DNAJC16: variants seen among roughly 807,000 people sequenced by gnomAD.
The protein encoded by DNAJC16 is DnaJ heat shock protein family (Hsp40) member C16.
In DNAJC16, 76 loss-of-function variants were observed where a neutral mutation model predicts 92.7. That is an observed-to-expected ratio of 0.82 (90% CI 0.68 to 0.99). DNAJC16 has a LOEUF of 0.99. Among genes scored for constraint, DNAJC16 ranks in the 50% least tolerant of loss-of-function variants. DNAJC16 has a pLI of 0.00. For missense variants in DNAJC16, 869 were observed against 942.4 expected, an observed-to-expected ratio of 0.92 and a Z score of 1.02; for synonymous variants, 328 against 358.7, an observed-to-expected ratio of 0.91 and a Z score of 0.97.
At chr1:15,536,219 A>G (rs544868667) in intron 3 of DNAJC16, among the ~76,000 whole-genome samples, 2 of 151,666 alleles carry the variant, frequency 1.3e-5, no homozygotes, top group South Asian at 2.1e-4. Context: ...GATTACAGGC[A>G]TGCGCCACCA....
intron 4 of DNAJC16, among the ~76,000 whole-genome samples, chr1:15,539,802 C>T (rs908169229): frequency 1.3e-5 from 2 of 151,848 alleles, no homozygotes; most frequent in Non-Finnish European, 2.9e-5. Context: ...CTGAGGTGCA[C>T]AGATCACTTG....
In DNAJC16 at chr1:15,559,566, C is replaced by T. The variant is rs1255342266; in HGVS notation, c.1064C>T (p.Thr355Ile). 3 of 1,614,026 alleles carry T rather than the reference C, an allele frequency of 1.9e-6. No individual in the cohort carries two copies. The highest frequency in any genetic ancestry group is 1.7e-5 in the Admixed American group (1 of 59,990). Reference protein sequence around the residue: ...MKKQIIDDFITRNKYLLAARL... With the variant: ...MKKQIIDDFIIRNKYLLAARL... The stretch of plus-strand genomic sequence containing the variant: ...AAGCAAATCATTGACGACTTCATCA[C>T]CCGAAACAAATATCTATTGGCAGCC... The change falls in exon 8 of 15, where the codon ACC becomes ATC. Residue 355 changes from threonine (T) to isoleucine (I), a missense_variant. Thr to Ile is a moderately conservative substitution (Grantham distance 89). Transcript: ENST00000375847.
chr1:15,544,397 A>G lies in DNAJC16; in HGVS notation c.575-2A>G. ...TTCATTTGGATCTTCCATTCTTTTCAGGTGTAGGAATTGGCGTGGTCCATG... is the reference window on the plus strand; with the variant it reads ...TTCATTTGGATCTTCCATTCTTTTCGGGTGTAGGAATTGGCGTGGTCCATG... On this transcript the variant is annotated splice_acceptor_variant, in intron 4 of 14. Transcript: ENST00000375847. LOFTEE classifies it high-confidence loss of function. 1 of 1,604,302 alleles carries G rather than the reference A, an allele frequency of 6.2e-7. No individual in the cohort carries two copies. Among genetic ancestry groups the G allele is most frequent in the Non-Finnish European group, 8.5e-7 (1 of 1,173,944 alleles).
In DNAJC16 at chr1:15,568,105, T is replaced by C. The variant is rs1343358004; in HGVS notation, c.2277T>C (p.Ser759=). The C allele has an allele frequency of 1.9e-6, 3 of 1,614,218 alleles. No individual in the cohort carries two copies. The highest frequency in any genetic ancestry group is 1.1e-5 in the South Asian group (1 of 91,088). Residue 759 remains serine (S), a synonymous_variant, in exon 15 of 15, where the codon TCT becomes TCC. Coordinates refer to ENST00000375847, the MANE Select transcript of DNAJC16 (RefSeq NM_015291.4). ...TCAAAGGAAAGTTGAGCAAGCTCTC[T>C]TTATGGATGGAACGCCTGCTGGAGG... is the stretch of plus-strand genomic sequence containing the variant. ...RPIKGKLSKL[S]LWMERLLEGS... is the part of the protein sequence containing the mutation.
Position 15,567,127 on chromosome 1 carries a change from G to T in DNAJC16, c.1807G>T (p.Val603Leu). Residue 603 changes from valine to leucine, a missense_variant, in exon 14 of 15, where the codon GTA (valine) becomes TTA (leucine). Physicochemically the swap from Val to Leu is conservative, Grantham distance 32 (BLOSUM62 1). Coordinates refer to ENST00000375847, the MANE Select transcript of DNAJC16 (RefSeq NM_015291.4). ...GATTCCTAAAAAAGGCTTTGTGGAG[G>T]TAACTGAACTCACAGATGTAACATA... ...SKIPKKGFVE[V>L]TELTDVTYTS... The T allele has an allele frequency of 6.2e-7, 1 of 1,611,232 alleles. No individual in the cohort carries two copies. The highest frequency in any genetic ancestry group is 2.2e-5 in the East Asian group (1 of 44,798).
rs1638908502 is a variant in DNAJC16 at position 15,569,735 on chromosome 1, G to A, written c.*1558G>A. ...GGTTCACCGCAACCTCCACATCCCA[G>A]GTTCAAGTGATTCTCCTGCCTCAGC... On this transcript the variant is annotated 3_prime_UTR_variant, in exon 15 of 15. Coordinates refer to ENST00000375847, the MANE Select transcript of DNAJC16 (RefSeq NM_015291.4). 6.6e-6 allele frequency: 1 copy of A among 151,028 alleles called. No homozygotes were observed. 9.4% of individuals were successfully genotyped at this position (151,028 alleles called of 1,614,324 possible). A position where few individuals can be genotyped will look rare whatever the true frequency, so the allele number is the denominator to read the frequency against.
intron 6 of DNAJC16, among the ~76,000 whole-genome samples, chr1:15,547,217 G>A (rs1341284661): frequency 6.9e-6 from 1 of 144,782 alleles, no homozygotes; most frequent in Non-Finnish European, 1.5e-5. Context: ...CGATCTCCTC[G>A]GCTCACTGCA....
At position 15,563,925 on chromosome 1, in the gene DNAJC16, C is replaced by A. The variant is rs1327036184; in HGVS notation, c.1339-4C>A. 2 of 1,598,988 alleles carry A rather than the reference C, an allele frequency of 1.3e-6. No individual in the cohort carries two copies. The highest frequency in any genetic ancestry group is 8.5e-7 in the Non-Finnish European group (1 of 1,174,372). On this transcript the variant is annotated splice_polypyrimidine_tract_variant and splice_region_variant and intron_variant, in intron 9 of 14. Transcript: ENST00000375847. The stretch of plus-strand genomic sequence containing the variant: ...CTGATGTTTTTTCTCTACTTTTCTT[C>A]CAGGTGTCTATTTTAGAAAGGCGCA...
chr1:15,556,516 G>A (rs975926258), intron 7 of DNAJC16, among the ~76,000 whole-genome samples: 3 of 152,188 alleles, frequency 2.0e-5, no homozygotes, highest in Admixed American at 2.0e-4. Context: ...GAGCCACCGC[G>A]CCCAGCCTTG....
intron 7 of DNAJC16, among the ~76,000 whole-genome samples, chr1:15,551,601 G>T (rs1638442782): frequency 7.0e-6 from 1 of 142,598 alleles, no homozygotes; most frequent in African/African-American, 2.6e-5. Flanking sequence ...AAGTGATGTG[G>T]TTTTTTTTTT....
chr1:15,542,292 T>A (rs1710950368), intron 4 of DNAJC16: 1 of 152,230 alleles, frequency 6.6e-6, no homozygotes, highest in Non-Finnish European at 1.5e-5. Flanking sequence ...TGGGGTGTCC[T>A]AGCCTCACAT....
At chr1:15,531,407 G>A (rs372853371) in intron 2 of DNAJC16, among the ~76,000 whole-genome samples, 4 of 152,268 alleles carry the variant, frequency 2.6e-5, no homozygotes, top group African/African-American at 9.6e-5. Context: ...AATTATACAT[G>A]ACCTCCTTCC....
rs1322829435 is a variant in DNAJC16 at position 15,569,380 on chromosome 1, C to T, written c.*1203C>T. 2 of 152,206 alleles carry T rather than the reference C, an allele frequency of 1.3e-5. No homozygotes were observed. Among genetic ancestry groups the T allele is most frequent in the Non-Finnish European group, 2.9e-5 (2 of 68,050 alleles). The allele number at this position is 152,206 out of a possible 1,614,324, so 9.4% of individuals were successfully genotyped here. A position where few individuals can be genotyped will look rare whatever the true frequency, so the allele number is the denominator to read the frequency against. On this transcript the variant is annotated 3_prime_UTR_variant, in exon 15 of 15. Transcript: ENST00000375847. ...TGTTTTCACTCTTAACTTAGAGCTGCTTCACCAGTATTGGGGTCAGACTGG... is the reference window on the plus strand; with the variant it reads ...TGTTTTCACTCTTAACTTAGAGCTGTTTCACCAGTATTGGGGTCAGACTGG...
rs1314874980 is a variant in DNAJC16, at chr1:15,571,267, CCAT to C, written c.*3094_*3096del. 5 of 152,118 alleles carry C rather than the reference CCAT, an allele frequency of 3.3e-5. No individual in the cohort carries two copies. Among genetic ancestry groups the C allele is most frequent in the Non-Finnish European group, 7.3e-5 (5 of 68,038 alleles). The allele number at this position is 152,118 out of a possible 1,614,324, so 9.4% of individuals were successfully genotyped here. On this transcript the variant is annotated 3_prime_UTR_variant, in exon 15 of 15. Transcript: ENST00000375847. ...TAACATCCCAATCAATTTGCAGCTG[CCAT>C]CATTACATAAATATTTTTCTGTTAT...
At chr1:15,545,049 T>C (rs1244444794) in intron 5 of DNAJC16, among the ~76,000 whole-genome samples, 1 of 152,226 alleles carries the variant, frequency 6.6e-6, no homozygotes, top group Non-Finnish European at 1.5e-5. Context: ...AAATATTATT[T>C]TTGAAACTTC....
chr1:15,540,424 CTA>C (rs1348940557), intron 4 of DNAJC16, among the ~76,000 whole-genome samples: 1 of 152,176 alleles, frequency 6.6e-6, no homozygotes, highest in African/African-American at 2.4e-5. Flanking sequence ...GTAGCTAGGA[CTA>C]GAGGCACACA....
At chr1:15,552,853 C>T (rs918973174) in intron 7 of DNAJC16, among the ~76,000 whole-genome samples, 2 of 150,862 alleles carry the variant, frequency 1.3e-5, no homozygotes, top group Non-Finnish European at 3.0e-5. Flanking sequence ...CTGCAACCTC[C>T]GCCTCCTGGG....
At chr1:15,559,430 C>A in intron 7 of DNAJC16, 96 bp from the exon 8 acceptor site, 2 of 1,534,360 alleles carry the variant, frequency 1.3e-6, no homozygotes, top group South Asian at 1.2e-5. Flanking sequence ...TAGCCAAGGT[C>A]AGCTACGTTT....
In DNAJC16 at chr1:15,543,796, C is replaced by T. The variant is rs548556855; in HGVS notation, c.575-603C>T. Among the ~76,000 whole-genome samples, 16 of 152,158 alleles carry T rather than the reference C, an allele frequency of 1.1e-4. No individual in the cohort carries two copies. The East Asian group carries it at 2.5e-3, about 24-fold the overall frequency. The stretch of plus-strand genomic sequence containing the variant: ...TAAAGAGAAAACCAACAAGACTTGC[C>T]GACAGATTGGATGTGGGGTGCAACA... On this transcript the variant is annotated intron_variant, in intron 4 of 14. Transcript: ENST00000375847.
Sources: allele counts gnomAD v4.1 joint callset (sites outside exome capture counted in the v4.1 genomes callset), GRCh38; gene constraint gnomAD v4.1.1; transcripts MANE v1.5; gene names NCBI Gene and HGNC (gene_info 2026-07-23, HGNC 2026-07-21).